Variants in TRPM7 observed in about 807,000 individuals in gnomAD.
TRPM7 encodes transient receptor potential cation channel subfamily M member 7, also known as LTRPC ion channel family member 7.
A neutral mutation model predicts 229.7 loss-of-function variants in TRPM7; 134 were observed. The observed-to-expected ratio is 0.58, with a 90% CI of 0.51 to 0.67. The LOEUF is 0.67. Ranked by LOEUF, TRPM7 falls within the 30% of genes least tolerant of loss-of-function variation. TRPM7 has a pLI of 0.00. For missense variants in TRPM7, 1,901 were observed against 2,210.0 expected (o/e 0.86, Z 2.80); for synonymous variants, 699 against 715.2 (o/e 0.98, Z 0.36).
chr15:50,628,234 G>T lies in TRPM7; in HGVS notation c.1220C>A (p.Ala407Glu). 2 of 1,611,664 alleles carry T rather than the reference G, an allele frequency of 1.2e-6. No homozygotes were observed. The highest frequency in any genetic ancestry group is 1.7e-6 in the Non-Finnish European group (2 of 1,178,472). ...TALLKGTNAS[A>E]FDQLILTLAW... ...CAATGTAAGGATAAGCTGGTCAAAT[G>T]CAGATGCATTAGTACCTAATCGAAT... is the stretch of plus-strand genomic sequence containing the variant. Residue 407 changes from alanine to glutamate, a missense_variant, in exon 11 of 39, where the codon GCA (alanine) becomes GAA (glutamate). Ala to Glu is a moderately radical substitution (Grantham distance 107). This residue lies in a region of TRPM7 where 794 missense variants were observed against 881.9 expected (regional missense o/e 0.90). Coordinates refer to ENST00000646667, the MANE Select transcript of TRPM7 (RefSeq NM_017672.6).
intron 11 of TRPM7, among the ~76,000 whole-genome samples, chr15:50,626,853 C>T (rs945080136): frequency 1.3e-5 from 2 of 151,964 alleles, no homozygotes; most frequent in African/African-American, 4.8e-5. Context: ...TTTCCTTCAG[C>T]CCCCATCTCT....
chr15:50,606,746 G>A (rs1360076149), intron 20 of TRPM7, among the ~76,000 whole-genome samples: 13 of 152,086 alleles, frequency 8.5e-5, no homozygotes, highest in South Asian at 2.1e-4. Flanking sequence ...TGATCCGCCC[G>A]CCTCAGCCTC....
chr15:50,657,670 T>C (rs1326719193), intron 3 of TRPM7, 111 bp downstream of exon 3: 1 of 945,302 alleles, frequency 1.1e-6, no homozygotes, highest in Non-Finnish European at 1.6e-6. Flanking sequence ...AAAGTACCCA[T>C]CAAATATAAT....
rs73395593 is a variant in TRPM7 at position 50,628,739 on chromosome 15, G to C, written c.1205-490C>G. 1.5e-3 allele frequency among the ~76,000 whole-genome samples: 230 copies of C among 152,222 alleles called. 2 individuals are homozygous for C. The highest frequency in any genetic ancestry group is 5.2e-3 in the African/African-American group (215 of 41,532). On this transcript the variant is annotated intron_variant, in intron 10 of 38. Coordinates refer to ENST00000646667, the MANE Select transcript of TRPM7 (RefSeq NM_017672.6). ...GAACTTTACCTTTCCAGCTATAAAC[G>C]ACATATTCCCATTCATTGCAAACAT...
At chr15:50,648,963 C>A in intron 3 of TRPM7, 78 bp from the exon 4 acceptor site, 2 of 1,123,728 alleles carry the variant, frequency 1.8e-6, no homozygotes, top group Admixed American at 3.0e-5. Context: ...AGTGAATGAA[C>A]CGACAAATAT....
At chr15:50,631,293 TGCAA>T (rs1440643380) in intron 10 of TRPM7, 120 bp downstream of exon 10, 15 of 447,928 alleles carry the variant, frequency 3.3e-5, no homozygotes, top group Non-Finnish European at 5.1e-5. Flanking sequence ...AAATTCACTT[TGCAA>T]GCATTTAGCC....
rs376180656 is a variant in TRPM7, at chr15:50,583,136, A to G, written c.4510T>C (p.Ser1504Pro). The change falls in exon 29 of 39, where the codon TCT becomes CCT. Residue 1504 changes from serine (S) to proline (P), a missense_variant. Physicochemically the swap from Ser to Pro is moderately conservative, Grantham distance 74 (BLOSUM62 -1). Transcript: ENST00000646667. ...KQAEKISRRP[S>P]TEDTHEVDSK... ...TCTACTTCATGAGTGTCTTCGGTAG[A>G]TGGCCTTCTACTGATTTTTTCTGCT... The G allele has an allele frequency of 5.6e-6, 9 of 1,606,966 alleles. No individual in the cohort carries two copies. In the African/African-American group the frequency reaches 1.2e-4, roughly 22 times the overall value.
Position 50,685,001 on chromosome 15 carries a change from A to G in TRPM7, c.3+1530T>C, listed in dbSNP as rs143344149. On this transcript the variant is annotated intron_variant, in intron 1 of 38. Coordinates refer to ENST00000646667, the MANE Select transcript of TRPM7 (RefSeq NM_017672.6). Reference sequence around the variant, plus strand: ...TATGTTAAAAAGTCCTTGTCTTTTTAGACATAAACACAATAAAGTATCCAT... The same window carrying G: ...TATGTTAAAAAGTCCTTGTCTTTTTGGACATAAACACAATAAAGTATCCAT... 8.5e-4 allele frequency among the ~76,000 whole-genome samples: 129 copies of G among 152,374 alleles called. 1 individual carries two copies. The highest frequency in any genetic ancestry group is 3.0e-3 in the African/African-American group (124 of 41,592).
rs2053278076 is a variant in TRPM7 at position 50,560,742 on chromosome 15, A to G, written c.*936T>C. On this transcript the variant is annotated 3_prime_UTR_variant, in exon 39 of 39. Coordinates refer to ENST00000646667, the MANE Select transcript of TRPM7 (RefSeq NM_017672.6). The stretch of plus-strand genomic sequence containing the variant: ...ACAGCATTCATGTTCAAATGTTCCA[A>G]CACAATTTTAAATATATGCAAGAGT... 2 of 152,620 alleles carry G rather than the reference A, an allele frequency of 1.3e-5. No homozygotes were observed. Among genetic ancestry groups the G allele is most frequent in the Admixed American group, 6.5e-5 (1 of 15,272 alleles). The allele number at this position is 152,620 out of a possible 1,614,324, so 9.5% of individuals were successfully genotyped here.
intron 12 of TRPM7, among the ~76,000 whole-genome samples, chr15:50,620,986 C>A (rs900843346): frequency 1.3e-5 from 2 of 151,664 alleles, no homozygotes; most frequent in African/African-American, 4.8e-5. Context: ...GGTGAAACCC[C>A]GTCTCTACTA....
chr15:50,616,684 CTT>C (rs34097559), intron 13 of TRPM7, among the ~76,000 whole-genome samples: 69,712 of 149,382 alleles, frequency 0.47, 16,193 homozygotes, highest in Admixed American at 0.55. Flanking sequence ...AAAATGTATG[CTT>C]TTTTTTTTTT....
chr15:50,575,021 T>C lies in TRPM7; in HGVS notation c.4850A>G (p.Glu1617Gly). 1 of 1,614,142 alleles carries C rather than the reference T, an allele frequency of 6.2e-7. No individual in the cohort carries two copies. Among genetic ancestry groups the C allele is most frequent in the Non-Finnish European group, 8.5e-7 (1 of 1,180,000 alleles). The change falls in exon 34 of 39, where the codon GAG becomes GGG. Residue 1617 changes from glutamate (E) to glycine (G), a missense_variant. Physicochemically the swap from Glu to Gly is moderately conservative, Grantham distance 98. Coordinates refer to ENST00000646667, the MANE Select transcript of TRPM7 (RefSeq NM_017672.6). ...LCAKIEFLSK[E>G]EMGGGLRRAV... Reference sequence around the variant, plus strand: ...TCTTCGTAAACCTCCTCCCATCTCCTCTTTGCTTAAAAACTCTATTTTGGC... The same window carrying C: ...TCTTCGTAAACCTCCTCCCATCTCCCCTTTGCTTAAAAACTCTATTTTGGC...
intron 10 of TRPM7, among the ~76,000 whole-genome samples, chr15:50,629,322 G>C (rs2060656145): frequency 6.7e-6 from 1 of 149,576 alleles, no homozygotes; most frequent in East Asian, 1.9e-4. Context: ...GTCCAGGCTG[G>C]AGTGCAGTGG....
At chr15:50,601,998 A>G (rs2059793611) in intron 21 of TRPM7, among the ~76,000 whole-genome samples, 1 of 151,372 alleles carries the variant, frequency 6.6e-6, no homozygotes, top group South Asian at 2.1e-4. Context: ...TCTAGGGTAA[A>G]GAAATACCAT....
At position 50,678,239 on chromosome 15, in the gene TRPM7, C is replaced by CAAAAAAAAAAAAA. The variant is rs527874854; in HGVS notation, c.3+8291_3+8292insTTTTTTTTTTTTT. ...TGGGCAACAGAGTGAGACTCTCTCT[C>CAAAAAAAAAAAAA]AAAAAAAAAAAACAAAAACAAAAAC... On this transcript the variant is annotated intron_variant, in intron 1 of 38. Coordinates refer to ENST00000646667, the MANE Select transcript of TRPM7 (RefSeq NM_017672.6). Among the ~76,000 whole-genome samples, 30 of 92,080 alleles carry CAAAAAAAAAAAAA rather than the reference C, an allele frequency of 3.3e-4. 7 individuals are homozygous for CAAAAAAAAAAAAA. Among genetic ancestry groups the CAAAAAAAAAAAAA allele is most frequent in the Admixed American group, 1.7e-3 (13 of 7,586 alleles). 60.4% of individuals were successfully genotyped at this position (92,080 alleles called of 152,430 possible).
At chr15:50,667,463 T>C (rs1243590685) in intron 1 of TRPM7, among the ~76,000 whole-genome samples, 4 of 152,194 alleles carry the variant, frequency 2.6e-5, no homozygotes, top group Non-Finnish European at 4.4e-5. Context: ...CCCAGCACTT[T>C]GGGAGGCCAA....
chr15:50,609,506 G>A, intron 19 of TRPM7, 75 bp downstream of exon 19: 3 of 1,377,990 alleles, frequency 2.2e-6, no homozygotes, highest in Non-Finnish European at 2.9e-6. Context: ...ATCAACATTA[G>A]TATGGATTCC....
intron 1 of TRPM7, among the ~76,000 whole-genome samples, chr15:50,664,262 A>G (rs2061820275): frequency 1.3e-5 from 2 of 148,856 alleles, no homozygotes; most frequent in Admixed American, 6.8e-5. Context: ...GTGAGCCGAG[A>G]TCGCGCCACT....
intron 1 of TRPM7, among the ~76,000 whole-genome samples, chr15:50,680,349 T>C (rs2062214117): frequency 6.6e-6 from 1 of 152,146 alleles, no homozygotes; most frequent in Non-Finnish European, 1.5e-5. Context: ...AAGGCCAGCC[T>C]GAGCAACATG....
Sources: gnomAD v4.1 joint callset for allele counts (sites outside exome capture counted in the v4.1 genomes callset) on GRCh38, gnomAD v4.1.1 for gene constraint, gnomAD v4.1.1 regional missense constraint, MANE v1.5 for transcripts, NCBI Gene and HGNC (gene_info 2026-07-23, HGNC 2026-07-21) for gene names.